NFIB: variants seen among roughly 807,000 people sequenced by gnomAD.
NFIB encodes nuclear factor I B.
A neutral mutation model predicts 61.5 loss-of-function variants in NFIB; 11 were observed. The observed-to-expected ratio is 0.18, with a 90% CI of 0.11 to 0.30. The LOEUF is 0.30. Among genes scored for constraint, NFIB ranks in the 10% least tolerant of loss-of-function variants. The pLI, the probability that NFIB is intolerant of heterozygous loss-of-function variation, is 1.00. For missense variants in NFIB, 471 were observed against 608.9 expected (o/e 0.77, Z 2.38); for synonymous variants, 260 against 216.5 (o/e 1.20, Z -1.76).
intron 2 of NFIB, among the ~76,000 whole-genome samples, chr9:14,182,683 CCTCT>C (rs144528136): frequency 1.2e-4 from 5 of 41,002 alleles, no homozygotes; most frequent in South Asian, 1.4e-3. Flanking sequence ...ACACCCCCCA[CCTCT>C]CTCTCTCTCT....
At chr9:14,450,134 G>A in the NFIB span, among the ~76,000 whole-genome samples, 9 of 151,688 alleles carry the variant, frequency 5.9e-5, no homozygotes, top group South Asian at 2.1e-4. Context: ...CCTACACTCC[G>A]ACAGGCCCCG....
chr9:14,228,093 T>G (rs2052659451), intron 2 of NFIB, among the ~76,000 whole-genome samples: 1 of 152,126 alleles, frequency 6.6e-6, no homozygotes, highest in African/African-American at 2.4e-5. Context: ...GTAGAAGGAA[T>G]CTAAAGCTAT....
At chr9:14,447,163 T>C in the NFIB span, among the ~76,000 whole-genome samples, 1 of 152,208 alleles carries the variant, frequency 6.6e-6, no homozygotes, top group Non-Finnish European at 1.5e-5. Flanking sequence ...TTCTGTTTCA[T>C]ATTTTCAAGT....
the NFIB span, among the ~76,000 whole-genome samples, chr9:14,426,169 G>A: frequency 1.6e-3 from 177 of 112,790 alleles, no homozygotes; most frequent in Non-Finnish European, 2.2e-3. Context: ...AAATTTCTAT[G>A]GCAATTCTTG....
chr9:14,492,692 G>T, the NFIB span, among the ~76,000 whole-genome samples: 1 of 152,120 alleles, frequency 6.6e-6, no homozygotes, highest in Non-Finnish European at 1.5e-5. Context: ...CCACCCCCAT[G>T]ATACAATCAC....
the NFIB span, among the ~76,000 whole-genome samples, chr9:14,404,866 C>T: frequency 3.9e-5 from 6 of 152,228 alleles, no homozygotes; most frequent in South Asian, 2.1e-4. Context: ...TGCAAGCTTC[C>T]GTGTCCAGCC....
the NFIB span, among the ~76,000 whole-genome samples, chr9:14,452,907 G>A: frequency 6.6e-6 from 1 of 152,330 alleles, no homozygotes; most frequent in African/African-American, 2.4e-5. Flanking sequence ...ATAAAAGCAG[G>A]AACAATCACA....
intron 1 of NFIB, among the ~76,000 whole-genome samples, chr9:14,311,336 C>T (rs1329441854): frequency 6.6e-6 from 1 of 152,118 alleles, no homozygotes; most frequent in Non-Finnish European, 1.5e-5. Flanking sequence ...AGCTACTAGG[C>T]TCTTGTGATA....
chr9:14,345,357 A>T (rs1160905443), intron 1 of NFIB, among the ~76,000 whole-genome samples: 3 of 152,124 alleles, frequency 2.0e-5, no homozygotes, highest in Admixed American at 2.0e-4. Context: ...CTCGATTTTC[A>T]ATTCCTCTCT....
chr9:14,288,535 A>T lies in NFIB; in HGVS notation c.562+18454T>A, dbSNP rs147883830. ...TTATGTGAAAAGTAGACTCTTGGTT[A>T]TCTGTTTCATTTTGTTTTGGTTTTG... is the stretch of plus-strand genomic sequence containing the variant. On this transcript the variant is annotated intron_variant, in intron 2 of 10. Coordinates refer to ENST00000380953, the MANE Select transcript of NFIB (RefSeq NM_001190737.2). Among the ~76,000 whole-genome samples, 3 of 152,156 alleles carry T rather than the reference A, an allele frequency of 2.0e-5. No homozygotes were observed. In the East Asian group the frequency reaches 5.8e-4, roughly 29 times the overall value.
In NFIB at chr9:14,134,913, A is replaced by AAAAAAAAAAAAG. The variant is rs1011872669; in HGVS notation, c.926-9148_926-9147insCTTTTTTTTTTT. 3.0e-3 allele frequency among the ~76,000 whole-genome samples: 405 copies of AAAAAAAAAAAAG among 133,290 alleles called. 11 individuals carry two copies. The highest frequency in any genetic ancestry group is 4.9e-3 in the Non-Finnish European group (298 of 61,220). The allele number at this position is 133,290 out of a possible 152,430, so 87.4% of individuals were successfully genotyped here. The stretch of plus-strand genomic sequence containing the variant: ...ACTCTGTCTCAAAAAAAAAAAAAAA[A>AAAAAAAAAAAAG]AAAAAAAGGAAATTGAAGGATATGG... On this transcript the variant is annotated intron_variant, in intron 6 of 10. Transcript: ENST00000380953.
chr9:14,312,728 C>A (rs1230229108), intron 1 of NFIB, among the ~76,000 whole-genome samples: 5 of 152,222 alleles, frequency 3.3e-5, no homozygotes, highest in African/African-American at 9.6e-5. Context: ...CTTACTTCTA[C>A]CAGCATTACT....
At chr9:14,441,894 G>A in the NFIB span, among the ~76,000 whole-genome samples, 26 of 152,108 alleles carry the variant, frequency 1.7e-4, 1 homozygote, top group Non-Finnish European at 3.8e-4. Context: ...TTACCCTCAA[G>A]GGCTTATTAC....
the NFIB span, among the ~76,000 whole-genome samples, chr9:14,404,581 A>G: frequency 6.6e-6 from 1 of 152,214 alleles, no homozygotes; most frequent in East Asian, 1.9e-4. Context: ...CTCTCACCTT[A>G]TGAGTTACGA....
intron 1 of NFIB, among the ~76,000 whole-genome samples, chr9:14,382,426 A>T (rs1006973208): frequency 7.2e-5 from 11 of 152,088 alleles, no homozygotes; most frequent in African/African-American, 2.7e-4. Flanking sequence ...AAGATGACCG[A>T]TCCACTCTTC....
At chr9:14,485,977 A>G in the NFIB span, among the ~76,000 whole-genome samples, 1 of 152,208 alleles carries the variant, frequency 6.6e-6, no homozygotes, top group African/African-American at 2.4e-5. Flanking sequence ...AAACAGATAC[A>G]TATAAAATAG....
chr9:14,161,480 C>T (rs1414221442), intron 3 of NFIB, among the ~76,000 whole-genome samples: 1 of 151,450 alleles, frequency 6.6e-6, no homozygotes, highest in Non-Finnish European at 1.5e-5. Flanking sequence ...ATATTTCCTT[C>T]CAGTCCTTTA....
At chr9:14,128,856 T>C (rs1221567540) in intron 6 of NFIB, among the ~76,000 whole-genome samples, 2 of 152,084 alleles carry the variant, frequency 1.3e-5, no homozygotes, top group Admixed American at 1.3e-4. Context: ...TGGGTCTCCT[T>C]TTGTAAAGGG....
chr9:14,269,309 T>C (rs1469837671), intron 2 of NFIB, among the ~76,000 whole-genome samples: 2 of 152,182 alleles, frequency 1.3e-5, no homozygotes, highest in African/African-American at 4.8e-5. Context: ...CTAGCTCTTT[T>C]TCCTTTCCTT....
Sources: gnomAD v4.1 joint callset for allele counts (sites outside exome capture counted in the v4.1 genomes callset) on GRCh38, gnomAD v4.1.1 for gene constraint, MANE v1.5 for transcripts, NCBI Gene and HGNC (gene_info 2026-07-23, HGNC 2026-07-21) for gene names.